Variants in FBXL5 observed in about 807,000 individuals in gnomAD.
FBXL5 encodes F-box and leucine rich repeat protein 5.
In FBXL5, 26 loss-of-function variants were observed where a neutral mutation model predicts 78.3. That is an observed-to-expected ratio of 0.33 (90% CI 0.24 to 0.46). FBXL5 has a LOEUF of 0.46. Ranked by LOEUF, FBXL5 falls within the 20% of genes least tolerant of loss-of-function variation. The probability of loss-of-function intolerance (pLI) is 1.00; values close to 1 mark genes in which losing one functional copy is unlikely to be tolerated. For missense variants in FBXL5, 710 were observed against 829.2 expected (o/e 0.86, Z 1.77); for synonymous variants, 295 against 282.5 (o/e 1.04, Z -0.45).
intron 1 of FBXL5, among the ~76,000 whole-genome samples, chr4:15,648,605 A>T (rs1715610554): frequency 6.6e-6 from 1 of 152,262 alleles, no homozygotes; most frequent in African/African-American, 2.4e-5. Flanking sequence ...GCTAAGTGAA[A>T]TAAGCCAGAG....
At chr4:15,623,385 T>C (rs1712677266) in intron 9 of FBXL5, among the ~76,000 whole-genome samples, 2 of 151,844 alleles carry the variant, frequency 1.3e-5, no homozygotes, top group Non-Finnish European at 2.9e-5. Context: ...TCAGAAGTCA[T>C]TGCGGCTCTG....
intron 1 of FBXL5, among the ~76,000 whole-genome samples, chr4:15,647,604 CA>C (rs1338401276): frequency 6.6e-6 from 1 of 152,064 alleles, no homozygotes; most frequent in African/African-American, 2.4e-5. Context: ...GATCTAATAA[CA>C]CATTAAGGTA....
intron 5 of FBXL5, among the ~76,000 whole-genome samples, chr4:15,634,723 G>T (rs548663936): frequency 6.6e-6 from 1 of 151,888 alleles, no homozygotes; most frequent in Non-Finnish European, 1.5e-5. Flanking sequence ...AGGCTTATTG[G>T]AACTTTTTGT....
rs558202805 is a variant in FBXL5 at position 15,604,486 on chromosome 4, A to G, written c.*1237T>C. 6.6e-6 allele frequency: 1 copy of G among 151,164 alleles called. No individual in the cohort carries two copies. Among genetic ancestry groups the G allele is most frequent in the Non-Finnish European group, 1.5e-5 (1 of 68,018 alleles). The allele number at this position is 151,164 out of a possible 1,614,324, so 9.4% of individuals were successfully genotyped here. On this transcript the variant is annotated 3_prime_UTR_variant, in exon 11 of 11. Coordinates refer to ENST00000341285, the MANE Select transcript of FBXL5 (RefSeq NM_012161.4). ...GCCACAGATCACCACAACAGATTTA[A>G]TAATAGTGAAAAACTATGAAATACT... is the stretch of plus-strand genomic sequence containing the variant.
chr4:15,642,243 C>CTT (rs34820897), intron 2 of FBXL5, among the ~76,000 whole-genome samples: 1 of 141,840 alleles, frequency 7.1e-6, no homozygotes, highest in Non-Finnish European at 1.5e-5. Context: ...ATAATGAAAA[C>CTT]TTTTTTTTTT....
intron 1 of FBXL5, among the ~76,000 whole-genome samples, chr4:15,669,522 G>A (rs1717675276): frequency 6.6e-6 from 1 of 151,856 alleles, no homozygotes; most frequent in Non-Finnish European, 1.5e-5. Context: ...TGGCAACAGA[G>A]ACCTTGTCTC....
At chr4:15,634,077 A>C (rs1174641449) in intron 5 of FBXL5, among the ~76,000 whole-genome samples, 2 of 152,234 alleles carry the variant, frequency 1.3e-5, no homozygotes, top group East Asian at 3.8e-4. Context: ...TGGGGCAAAC[A>C]AAAATGCCTC....
chr4:15,667,271 A>G (rs980468910), intron 1 of FBXL5, among the ~76,000 whole-genome samples: 16 of 152,312 alleles, frequency 1.1e-4, no homozygotes, highest in African/African-American at 3.8e-4. Flanking sequence ...AAACATGTAC[A>G]AGTACCTAGT....
Position 15,605,397 on chromosome 4 carries a change from C to T in FBXL5, c.*326G>A, listed in dbSNP as rs1721821251. The T allele has an allele frequency of 4.4e-6, 1 of 224,912 alleles. No homozygotes were observed. The highest frequency in any genetic ancestry group is 2.3e-5 in the African/African-American group (1 of 44,224). The allele number at this position is 224,912 out of a possible 1,614,324, so 13.9% of individuals were successfully genotyped here. A position where few individuals can be genotyped will look rare whatever the true frequency, so the allele number is the denominator to read the frequency against. On this transcript the variant is annotated 3_prime_UTR_variant, in exon 11 of 11. Transcript: ENST00000341285. ...AAAGAGAACCAATCACCTCCATGGA[C>T]TTTAAAACTCAAAATTATCTATGAA...
chr4:15,631,537 G>C (rs6839438), intron 5 of FBXL5, among the ~76,000 whole-genome samples: 1 of 152,014 alleles, frequency 6.6e-6, no homozygotes, highest in South Asian at 2.1e-4. Flanking sequence ...CCCACCAACA[G>C]TGTAAAAGTG....
At chr4:15,673,339 G>A (rs964320593) in intron 1 of FBXL5, among the ~76,000 whole-genome samples, 3 of 152,128 alleles carry the variant, frequency 2.0e-5, no homozygotes, top group Admixed American at 2.0e-4. Flanking sequence ...TACTTGGGAG[G>A]CTGAGGTGGG....
chr4:15,650,944 T>C (rs1356509142), intron 1 of FBXL5, among the ~76,000 whole-genome samples: 1 of 152,144 alleles, frequency 6.6e-6, no homozygotes, highest in Non-Finnish European at 1.5e-5. Flanking sequence ...ACTGACTTTC[T>C]GTCTCAGACA....
At chr4:15,640,626 T>G (rs1025402348) in intron 3 of FBXL5, among the ~76,000 whole-genome samples, 162 bp downstream of exon 3, 2 of 146,230 alleles carry the variant, frequency 1.4e-5, no homozygotes, top group Admixed American at 6.8e-5. Context: ...AAAACAAACG[T>G]TTTTTTTTTC....
intron 10 of FBXL5, among the ~76,000 whole-genome samples, chr4:15,610,629 C>T (rs879318229): frequency 1.3e-5 from 2 of 152,058 alleles, no homozygotes; most frequent in Non-Finnish European, 2.9e-5. Flanking sequence ...TTTATCCCAT[C>T]ATCTAAATTA....
rs763712714 is a variant in FBXL5 at position 15,636,506 on chromosome 4, G to C, written c.754C>G (p.His252Asp). Reference sequence around the variant, plus strand: ...CCCATTTACCTACCTCTGGCCCAATGAACAGGGTAAAGATGTTTCCAAAGC... The same window carrying C: ...CCCATTTACCTACCTCTGGCCCAATCAACAGGGTAAAGATGTTTCCAAAGC... ...GSLWKHLYPV[H>D]WARGDWYSGP... Residue 252 changes from histidine to aspartate, a missense_variant, in exon 5 of 11, where the codon CAT becomes GAT. His to Asp is a moderately conservative substitution (Grantham distance 81, BLOSUM62 -1). Around this residue, in one of 4 missense-constraint regions of FBXL5, gnomAD observed 517 missense variants for 542.9 expected, o/e 0.95. Transcript: ENST00000341285. 1.1e-5 allele frequency: 18 copies of C among 1,598,458 alleles called. No homozygotes were observed. Among genetic ancestry groups the C allele is most frequent in the Non-Finnish European group, 1.5e-5 (17 of 1,171,382 alleles).
intron 10 of FBXL5, among the ~76,000 whole-genome samples, chr4:15,607,011 A>G (rs1398514468): frequency 1.3e-5 from 2 of 152,194 alleles, no homozygotes; most frequent in Non-Finnish European, 2.9e-5. Flanking sequence ...TATTCCCCAA[A>G]TGGCACATAC....
intron 1 of FBXL5, among the ~76,000 whole-genome samples, chr4:15,653,652 T>G (rs574125295): frequency 6.6e-6 from 1 of 152,252 alleles, no homozygotes; most frequent in Non-Finnish European, 1.5e-5. Flanking sequence ...CATTTTTTTT[T>G]TCTTTCCTGC....
chr4:15,616,667 A>G (rs993310313), intron 9 of FBXL5, among the ~76,000 whole-genome samples: 1 of 152,214 alleles, frequency 6.6e-6, no homozygotes, highest in South Asian at 2.1e-4. Context: ...AGCCCTCCCC[A>G]AGGACCTCTG....
intron 6 of FBXL5, among the ~76,000 whole-genome samples, chr4:15,628,772 G>GACACACACAC (rs1553850273): frequency 6.3e-4 from 88 of 140,396 alleles, no homozygotes; most frequent in African/African-American, 2.0e-3. Flanking sequence ...GCCAGACACA[G>GACACACACAC]ACACACACAC....
Sources: allele counts gnomAD v4.1 joint callset (sites outside exome capture counted in the v4.1 genomes callset), GRCh38; gene constraint gnomAD v4.1.1; regional missense constraint gnomAD v4.1.1; transcripts MANE v1.5; gene names NCBI Gene and HGNC (gene_info 2026-07-23, HGNC 2026-07-21).